The following CNIH3 variants were observed in gnomAD, a reference collection of about 807,000 sequenced individuals.
CNIH3 encodes the protein cornichon family AMPA receptor auxiliary protein 3, also known as protein cornichon homolog 3.
In CNIH3, 14 loss-of-function variants were observed where a neutral mutation model predicts 24.1. The ratio of observed to expected loss-of-function variants is 0.58; its 90% CI spans 0.38 to 0.91. The LOEUF is 0.91. Among genes scored for constraint, CNIH3 ranks in the 40% least tolerant of loss-of-function variants. CNIH3 has a pLI of 0.00. For missense variants in CNIH3, 178 were observed against 196.8 expected (o/e 0.90, Z 0.57); for synonymous variants, 68 against 73.8 (o/e 0.92, Z 0.40).
At chr1:224,671,962 G>A (rs533180726) in intron 1 of CNIH3, among the ~76,000 whole-genome samples, 13 of 151,988 alleles carry the variant, frequency 8.6e-5, no homozygotes, top group African/African-American at 3.1e-4. Flanking sequence ...TAGGACTCAA[G>A]GCTGTACTAG....
chr1:224,584,693 A>G (rs1475385020), intron 5 of CNIH3, among the ~76,000 whole-genome samples: 1 of 151,818 alleles, frequency 6.6e-6, no homozygotes, highest in Non-Finnish European at 1.5e-5. Context: ...ATTTGCATTG[A>G]CCATTTTGGA....
At chr1:224,710,047 G>A (rs751890632) in intron 3 of CNIH3, among the ~76,000 whole-genome samples, 6 of 152,140 alleles carry the variant, frequency 3.9e-5, no homozygotes, top group Non-Finnish European at 8.8e-5. Context: ...TGTGATAAAA[G>A]TTATATGAAT....
chr1:224,526,412 A>G (rs1219193513), intron 2 of CNIH3, among the ~76,000 whole-genome samples: 1 of 152,176 alleles, frequency 6.6e-6, no homozygotes, highest in Non-Finnish European at 1.5e-5. Flanking sequence ...CCATGTGAGG[A>G]CACAGCAACA....
At chr1:224,547,614 G>A (rs1479670197) in intron 3 of CNIH3, among the ~76,000 whole-genome samples, 1 of 151,692 alleles carries the variant, frequency 6.6e-6, no homozygotes, top group Non-Finnish European at 1.5e-5. Context: ...ATATCACAGT[G>A]CGTGTACACC....
chr1:224,716,897 T>G (rs1190989104), intron 3 of CNIH3, among the ~76,000 whole-genome samples: 3 of 152,190 alleles, frequency 2.0e-5, no homozygotes, highest in Non-Finnish European at 4.4e-5. Flanking sequence ...TCAGGCCCCT[T>G]CAGAACACCC....
At chr1:224,689,764 G>C (rs561541407) in intron 3 of CNIH3, among the ~76,000 whole-genome samples, 2 of 152,180 alleles carry the variant, frequency 1.3e-5, no homozygotes, top group Non-Finnish European at 2.9e-5. Flanking sequence ...AACTGGATCT[G>C]TTTTTAGCTC....
In CNIH3 at chr1:224,706,958, CTTTTTTTT is replaced by C. The variant is rs71170031; in HGVS notation, c.198+22131_198+22138del. On this transcript the variant is annotated intron_variant, in intron 3 of 5. Transcript: ENST00000272133. ...TGGCTGCCTCTCCTTTCCTTTCTTT[CTTTTTTTT>C]TTTTTTTTTTTTTTTGAGACAGAGT... Among the ~76,000 whole-genome samples the C allele has an allele frequency of 7.3e-5, 6 of 82,142 alleles. No homozygotes were observed. The South Asian group carries it at 2.1e-3, about 29-fold the overall frequency. The allele number at this position is 82,142 out of a possible 152,430, so 53.9% of individuals were successfully genotyped here.
chr1:224,574,778 C>A (rs1680965275), intron 4 of CNIH3: 6 of 1,071,584 alleles, frequency 5.6e-6, no homozygotes, highest in South Asian at 5.0e-5. Context: ...GGCCAACCAG[C>A]TTCAAGCCTG....
intron 3 of CNIH3, among the ~76,000 whole-genome samples, chr1:224,690,004 A>AGG (rs1462994773): frequency 6.6e-6 from 1 of 152,030 alleles, no homozygotes; most frequent in Non-Finnish European, 1.5e-5. Flanking sequence ...TGGGCATATA[A>AGG]AGGGTTCTCG....
intron 1 of CNIH3, among the ~76,000 whole-genome samples, chr1:224,675,310 A>C (rs1398115755): frequency 6.6e-6 from 1 of 152,258 alleles, no homozygotes; most frequent in African/African-American, 2.4e-5. Context: ...AAATCTATTA[A>C]ATAAATTGAA....
At chr1:224,537,697 T>C (rs1679342306), downstream of CNIH3, 1 of 152,244 alleles carries the variant, frequency 6.6e-6, no homozygotes, top group Admixed American at 6.5e-5. Context: ...CTGTCTCAGA[T>C]ACTTTTGGTT....
chr1:224,627,001 A>G (rs1278696398), intron 1 of CNIH3, among the ~76,000 whole-genome samples: 1 of 151,978 alleles, frequency 6.6e-6, no homozygotes, highest in East Asian at 1.9e-4. Context: ...GTGTTCTTAC[A>G]CACTTCTGTG....
chr1:224,540,763 T>C (rs564797870), downstream of CNIH3, among the ~76,000 whole-genome samples: 1 of 152,128 alleles, frequency 6.6e-6, no homozygotes, highest in Non-Finnish European at 1.5e-5. Flanking sequence ...GAAAAGGAAG[T>C]CACATGCATT....
chr1:224,535,235 C>A (rs1679237526), intron 2 of CNIH3, among the ~76,000 whole-genome samples: 1 of 152,098 alleles, frequency 6.6e-6, no homozygotes, highest in Non-Finnish European at 1.5e-5. Flanking sequence ...CAAGAGAAGA[C>A]AGAGACACGC....
chr1:224,719,344 C>T (rs866538104), intron 3 of CNIH3, among the ~76,000 whole-genome samples: 8 of 151,952 alleles, frequency 5.3e-5, no homozygotes, highest in South Asian at 2.1e-4. Flanking sequence ...GGTCAGACTC[C>T]CCAGAACACA....
intron 1 of CNIH3, among the ~76,000 whole-genome samples, chr1:224,673,546 T>C (rs1685976908): frequency 6.6e-6 from 1 of 152,238 alleles, no homozygotes; most frequent in Admixed American, 6.5e-5. Context: ...TTCAGTCCTC[T>C]CAGCTTGAAA....
At chr1:224,705,173 G>A (rs1558313727) in intron 3 of CNIH3, among the ~76,000 whole-genome samples, 1 of 152,142 alleles carries the variant, frequency 6.6e-6, no homozygotes, top group Non-Finnish European at 1.5e-5. Flanking sequence ...GTTTCCCATA[G>A]TTTCCTTTAA....
At chr1:224,640,288 G>T (rs999912509) in intron 1 of CNIH3, among the ~76,000 whole-genome samples, 1 of 152,284 alleles carries the variant, frequency 6.6e-6, no homozygotes, top group African/African-American at 2.4e-5. Flanking sequence ...TCTCTGAGCG[G>T]CACTTTTCTC....
intron 1 of CNIH3, among the ~76,000 whole-genome samples, chr1:224,654,052 G>C (rs1684985353): frequency 6.6e-6 from 1 of 151,530 alleles, no homozygotes; most frequent in African/African-American, 2.4e-5. Context: ...CTGTGCTCCA[G>C]CCTGGACAAC....
Sources: gnomAD v4.1 joint callset for allele counts (sites outside exome capture counted in the v4.1 genomes callset) on GRCh38, gnomAD v4.1.1 for gene constraint, MANE v1.5 for transcripts, NCBI Gene and HGNC (gene_info 2026-07-23, HGNC 2026-07-21) for gene names.